ROCK1: variants seen among roughly 807,000 people sequenced by gnomAD.
ROCK1 encodes rho-associated protein kinase 1.
In ROCK1, 36 loss-of-function variants were observed where a neutral mutation model predicts 196.8. The ratio of observed to expected loss-of-function variants is 0.18; its 90% CI spans 0.14 to 0.24. ROCK1 has a LOEUF of 0.24. ROCK1 is among the 10% of genes least tolerant of loss of function. The pLI is 1.00. For synonymous variants in ROCK1, 443 were observed against 515.9 expected (o/e 0.86, Z 1.91); for missense variants, 920 against 1,562.0 (o/e 0.59, Z 6.93).
intron 2 of ROCK1, among the ~76,000 whole-genome samples, chr18:21,055,034 T>C (rs970055422): frequency 1.3e-5 from 2 of 152,178 alleles, no homozygotes; most frequent in African/African-American, 2.4e-5. Context: ...CTCTTTTTCC[T>C]ACCTAGCCAG....
intron 12 of ROCK1, among the ~76,000 whole-genome samples, chr18:21,017,260 CAGCTCACTGCA>C (rs776523204): frequency 5.6e-5 from 8 of 141,842 alleles, no homozygotes; most frequent in Non-Finnish European, 1.0e-4. Context: ...AGCGCAATCT[CAGCTCACTGCA>C]AGCTCCGTCT....
chr18:20,959,093 A>AATATATATATT (rs1198891165), intron 29 of ROCK1, among the ~76,000 whole-genome samples: 1 of 32,410 alleles, frequency 3.1e-5, no homozygotes, highest in South Asian at 7.7e-4. Context: ...TATTTTATAT[A>AATATATATATT]ATATATATAT....
intron 9 of ROCK1, among the ~76,000 whole-genome samples, chr18:21,039,105 A>G (rs1274754303): frequency 6.6e-6 from 1 of 152,226 alleles, no homozygotes; most frequent in Non-Finnish European, 1.5e-5. Flanking sequence ...AAACAAGAGA[A>G]TAACTTGTCT....
chr18:21,005,231 TA>T (rs2035758778), intron 16 of ROCK1, among the ~76,000 whole-genome samples: 1 of 152,240 alleles, frequency 6.6e-6, no homozygotes, highest in Non-Finnish European at 1.5e-5. Flanking sequence ...TTTATTCACT[TA>T]GTTATACTCA....
At chr18:20,991,424 A>G (rs2071597459) in intron 17 of ROCK1, 98 bp from the exon 18 acceptor site, 1 of 803,536 alleles carries the variant, frequency 1.2e-6, no homozygotes, top group East Asian at 2.8e-5. Context: ...ATGATGCCTT[A>G]TTTTAAAAAT....
intron 1 of ROCK1, among the ~76,000 whole-genome samples, chr18:21,100,398 CAAA>C (rs113274981): frequency 2.4e-5 from 3 of 123,078 alleles, no homozygotes; most frequent in Non-Finnish European, 3.5e-5. Flanking sequence ...CTTACTGCAG[CAAA>C]AAAAAAAAAA....
At chr18:20,959,019 T>TAATATATATTTTTTATAAAAA (rs2035282991) in intron 29 of ROCK1, among the ~76,000 whole-genome samples, 1 of 70,928 alleles carries the variant, frequency 1.4e-5, no homozygotes, top group African/African-American at 6.8e-5. Flanking sequence ...ATATAATATA[T>TAATATATATTTTTTATAAAAA]ATAATATATA....
chr18:21,044,271 G>T, intron 5 of ROCK1, 85 bp from the exon 6 acceptor site: 2 of 940,144 alleles, frequency 2.1e-6, no homozygotes, highest in Non-Finnish European at 3.3e-6. Context: ...TTTAGGTCAA[G>T]CATCCTCAAT....
chr18:21,086,658 T>A (rs1457310069), intron 1 of ROCK1, among the ~76,000 whole-genome samples: 2 of 149,938 alleles, frequency 1.3e-5, no homozygotes, highest in Non-Finnish European at 3.0e-5. Flanking sequence ...GCAAAAGACA[T>A]AAACCTACAG....
chr18:20,993,643 G>A (rs2035645881), intron 16 of ROCK1, among the ~76,000 whole-genome samples: 1 of 152,130 alleles, frequency 6.6e-6, no homozygotes, highest in Non-Finnish European at 1.5e-5. Context: ...TATTTTCACA[G>A]AAAACTAAGT....
chr18:21,055,105 C>T (rs1192364797), intron 2 of ROCK1, among the ~76,000 whole-genome samples: 1 of 152,196 alleles, frequency 6.6e-6, no homozygotes, highest in East Asian at 1.9e-4. Context: ...ATGTCATGAG[C>T]TCTCTTCTGC....
intron 22 of ROCK1, among the ~76,000 whole-genome samples, chr18:20,972,901 C>T (rs1352842591): frequency 2.0e-5 from 3 of 152,212 alleles, no homozygotes; most frequent in African/African-American, 7.2e-5. Flanking sequence ...AGTTAAAAGA[C>T]GCAGTTTCGC....
intron 12 of ROCK1, among the ~76,000 whole-genome samples, chr18:21,018,103 C>T (rs2035880243): frequency 6.6e-6 from 1 of 151,942 alleles, no homozygotes; most frequent in Non-Finnish European, 1.5e-5. Context: ...TTTAAAGTTT[C>T]ATCTCAATTT....
intron 32 of ROCK1, among the ~76,000 whole-genome samples, chr18:20,951,911 G>C (rs2035191565): frequency 6.6e-6 from 1 of 152,188 alleles, no homozygotes; most frequent in African/African-American, 2.4e-5. Context: ...TCTAGGGAAG[G>C]TGGTATGTGG....
intron 2 of ROCK1, among the ~76,000 whole-genome samples, chr18:21,067,871 T>A (rs563696529): frequency 2.0e-5 from 3 of 152,184 alleles, no homozygotes; most frequent in Non-Finnish European, 2.9e-5. Context: ...TTAACTTTTA[T>A]ATTTTCGGTT....
At chr18:21,076,364 C>T (rs923269077) in intron 1 of ROCK1, among the ~76,000 whole-genome samples, 5 of 151,936 alleles carry the variant, frequency 3.3e-5, no homozygotes, top group African/African-American at 1.2e-4. Flanking sequence ...ATTAGCTGGG[C>T]ATGGTGGCAG....
chr18:21,054,647 G>A (rs373124208), intron 2 of ROCK1, among the ~76,000 whole-genome samples: 5 of 151,992 alleles, frequency 3.3e-5, no homozygotes, highest in Non-Finnish European at 7.4e-5. Flanking sequence ...ACGTCTCATC[G>A]CTAGACAGTT....
intron 22 of ROCK1, among the ~76,000 whole-genome samples, chr18:20,972,455 C>T (rs1240603559): frequency 6.6e-6 from 1 of 152,134 alleles, no homozygotes; most frequent in African/African-American, 2.4e-5. Context: ...TGTACTTGGA[C>T]TCTGACACCA....
rs982751261 is a variant in ROCK1 at position 20,994,350 on chromosome 18, T to C, written c.1886-1413A>G. On this transcript the variant is annotated intron_variant, in intron 16 of 32. Coordinates refer to ENST00000399799, the MANE Select transcript of ROCK1 (RefSeq NM_005406.3). Reference sequence around the variant, plus strand: ...ATAAATGATATAATTATCTTTAAAATAGGCCAGGTGTAGTGGTTCATGCCT... The same window carrying C: ...ATAAATGATATAATTATCTTTAAAACAGGCCAGGTGTAGTGGTTCATGCCT... 2.6e-5 allele frequency among the ~76,000 whole-genome samples: 4 copies of C among 152,262 alleles called. No individual in the cohort carries two copies. The East Asian group carries it at 5.8e-4, about 22-fold the overall frequency.
Sources: allele counts gnomAD v4.1 joint callset (sites outside exome capture counted in the v4.1 genomes callset), GRCh38; gene constraint gnomAD v4.1.1; transcripts MANE v1.5; gene names NCBI Gene and HGNC (gene_info 2026-07-23, HGNC 2026-07-21).